The following ADAMTSL1 variants were observed in gnomAD, a reference collection of about 807,000 sequenced individuals.
ADAMTSL1 encodes ADAMTS-like protein 1.
ADAMTSL1 carries 126 observed loss-of-function variants against 201.8 expected under a neutral mutation model. That is an observed-to-expected ratio of 0.62 (90% CI 0.54 to 0.72). ADAMTSL1 has a LOEUF of 0.72. Among genes scored for constraint, ADAMTSL1 ranks in the 30% least tolerant of loss-of-function variants. The pLI is 0.00. For synonymous variants in ADAMTSL1, 1,121 were observed against 903.4 expected (o/e 1.24, Z -4.32); for missense variants, 2,679 against 2,277.8 (o/e 1.18, Z -3.59).
chr9:18,679,648 TACCAGTA>T (rs1222855713), intron 10 of ADAMTSL1, among the ~76,000 whole-genome samples: 1 of 152,212 alleles, frequency 6.6e-6, no homozygotes, highest in Non-Finnish European at 1.5e-5. Flanking sequence ...GAACTCTAAC[TACCAGTA>T]TCCCTCAACA....
In ADAMTSL1 at chr9:18,095,240, C is replaced by G. The variant is rs150237837; in HGVS notation, c.88-68622C>G. Among the ~76,000 whole-genome samples the G allele has an allele frequency of 1.3e-3, 202 of 152,042 alleles. No homozygotes were observed. In the East Asian group the frequency reaches 0.015, roughly 11 times the overall value. ...ACACTGCATCAGAAAGGGCTCACAG[C>G]CAATAGATCACACACAAGTACCTAC... On this transcript the variant is annotated intron_variant, in intron 1 of 29. Coordinates refer to the ADAMTSL1 transcript ENST00000680146.
chr9:18,738,220 G>A lies in ADAMTSL1; in HGVS notation c.2007-15078G>A, dbSNP rs192366691. On this transcript the variant is annotated intron_variant, in intron 15 of 28. Transcript: ENST00000380548. ...GATAAGAAAGGATTTTCTTACAGCC[G>A]TGCTGTGAGAAGTTTTGCGTTTTCT... Among the ~76,000 whole-genome samples the A allele has an allele frequency of 7.3e-4, 111 of 152,214 alleles. 1 individual carries two copies. The highest frequency in any genetic ancestry group is 4.8e-3 in the South Asian group (23 of 4,816).
intron 4 of ADAMTSL1, among the ~76,000 whole-genome samples, chr9:18,598,188 T>C (rs1824391036): frequency 6.6e-6 from 1 of 152,228 alleles, no homozygotes; most frequent in Non-Finnish European, 1.5e-5. Flanking sequence ...TCAGTACCTT[T>C]GAAAGGGACC....
intron 1 of ADAMTSL1, among the ~76,000 whole-genome samples, chr9:18,134,744 G>A (rs569722519): frequency 6.6e-6 from 1 of 152,312 alleles, no homozygotes; most frequent in South Asian, 2.1e-4. Context: ...CACTGGAGAA[G>A]TGAAACCCAA....
chr9:18,622,002 A>G (rs1826064741), intron 4 of ADAMTSL1, among the ~76,000 whole-genome samples: 1 of 151,886 alleles, frequency 6.6e-6, no homozygotes, highest in Non-Finnish European at 1.5e-5. Flanking sequence ...ATTCTCTCTC[A>G]TTCTCTTTCT....
chr9:18,671,553 G>A (rs1002565260), intron 9 of ADAMTSL1, among the ~76,000 whole-genome samples: 7 of 152,132 alleles, frequency 4.6e-5, no homozygotes, highest in African/African-American at 9.7e-5. Context: ...AATGGTGGTC[G>A]TGATAACAGG....
chr9:18,895,750 C>CCAAT (rs1461304149), intron 26 of ADAMTSL1, among the ~76,000 whole-genome samples: 2 of 152,072 alleles, frequency 1.3e-5, no homozygotes, highest in Non-Finnish European at 2.9e-5. Context: ...GATGGATTGC[C>CCAAT]CAATCACAGA....
intron 23 of ADAMTSL1, among the ~76,000 whole-genome samples, chr9:18,839,461 C>A (rs542106180): frequency 6.6e-6 from 1 of 152,204 alleles, no homozygotes; most frequent in East Asian, 1.9e-4. Flanking sequence ...GGTTCCATGT[C>A]TTTGCTATTG....
At chr9:18,764,308 G>A (rs1046996869) in intron 16 of ADAMTSL1, among the ~76,000 whole-genome samples, 4 of 152,154 alleles carry the variant, frequency 2.6e-5, no homozygotes, top group African/African-American at 9.7e-5. Flanking sequence ...GTTGAACATA[G>A]AGAAATACTG....
intron 23 of ADAMTSL1, among the ~76,000 whole-genome samples, chr9:18,848,286 A>C (rs1231474585): frequency 6.6e-6 from 1 of 152,252 alleles, no homozygotes; most frequent in Non-Finnish European, 1.5e-5. Context: ...ACTTTTAAAA[A>C]ATGATTCTCA....
intron 26 of ADAMTSL1, among the ~76,000 whole-genome samples, chr9:18,904,337 C>T (rs927150716): frequency 6.6e-6 from 1 of 151,928 alleles, no homozygotes; most frequent in Non-Finnish European, 1.5e-5. Flanking sequence ...GGTGTGATGG[C>T]ACATGCCTGT....
intron 6 of ADAMTSL1, among the ~76,000 whole-genome samples, chr9:18,638,618 T>C (rs1827249963): frequency 6.6e-6 from 1 of 152,146 alleles, no homozygotes; most frequent in Non-Finnish European, 1.5e-5. Context: ...AAGGTTTTTT[T>C]TCTATCTCAA....
At chr9:18,390,442 G>T (rs991053649) in intron 2 of ADAMTSL1, among the ~76,000 whole-genome samples, 1 of 152,142 alleles carries the variant, frequency 6.6e-6, no homozygotes, top group African/African-American at 2.4e-5. Flanking sequence ...AAACTGAAGG[G>T]AATTTGTTGG....
At chr9:18,444,398 A>G (rs1220734979) in intron 2 of ADAMTSL1, among the ~76,000 whole-genome samples, 1 of 152,150 alleles carries the variant, frequency 6.6e-6, no homozygotes, top group Non-Finnish European at 1.5e-5. Flanking sequence ...TAAATGGTGG[A>G]TATGGGATTT....
At chr9:18,433,459 A>G (rs1819586341) in intron 2 of ADAMTSL1, among the ~76,000 whole-genome samples, 1 of 152,148 alleles carries the variant, frequency 6.6e-6, no homozygotes, top group African/African-American at 2.4e-5. Flanking sequence ...GGGTAGATTT[A>G]ATGTAATATT....
intron 2 of ADAMTSL1, among the ~76,000 whole-genome samples, chr9:18,349,650 T>C (rs1835877056): frequency 6.6e-6 from 1 of 152,138 alleles, no homozygotes; most frequent in South Asian, 2.1e-4. Context: ...CTGAATCCTC[T>C]ACCAGCTTTA....
intron 4 of ADAMTSL1, among the ~76,000 whole-genome samples, chr9:18,615,094 A>G (rs1825614445): frequency 6.6e-6 from 1 of 152,240 alleles, no homozygotes; most frequent in Non-Finnish European, 1.5e-5. Context: ...TTTATTGCAG[A>G]TAAATATATT....
At chr9:18,114,570 T>C (rs954182951) in intron 1 of ADAMTSL1, among the ~76,000 whole-genome samples, 3 of 152,154 alleles carry the variant, frequency 2.0e-5, no homozygotes, top group Non-Finnish European at 2.9e-5. Flanking sequence ...AAGACTGTTC[T>C]CAAAATTGTT....
At chr9:18,858,035 C>G (rs1461222457) in intron 23 of ADAMTSL1, among the ~76,000 whole-genome samples, 1 of 120,950 alleles carries the variant, frequency 8.3e-6, no homozygotes, top group Non-Finnish European at 1.7e-5. Flanking sequence ...TGTCACTGCT[C>G]TCAGTACCCA....
Sources: allele counts gnomAD v4.1 joint callset (sites outside exome capture counted in the v4.1 genomes callset), GRCh38; gene constraint gnomAD v4.1.1; transcripts MANE v1.5; gene names NCBI Gene and HGNC (gene_info 2026-07-23, HGNC 2026-07-21).